The following F2 variants were observed in gnomAD, a reference collection of about 807,000 sequenced individuals.
The protein encoded by F2 is prothrombin.
F2 carries 34 observed loss-of-function variants against 81.9 expected under a neutral mutation model. That is an observed-to-expected ratio of 0.42 (90% CI 0.32 to 0.55). F2 has a LOEUF of 0.55. Ranked by LOEUF, F2 falls within the 20% of genes least tolerant of loss-of-function variation. The probability of loss-of-function intolerance (pLI) is 0.18; values close to 1 mark genes in which losing one functional copy is unlikely to be tolerated. For synonymous variants in F2, 296 were observed against 326.4 expected (o/e 0.91, Z 1.01); for missense variants, 630 against 833.4 (o/e 0.76, Z 3.00).
At chr11:46,720,265 G>A (rs926380337) in intron 2 of F2, 1 of 580,530 alleles carries the variant, frequency 1.7e-6, no homozygotes, top group Admixed American at 2.9e-5. Flanking sequence ...GTAGGGCTCT[G>A]CCAGGGTCCC....
Position 46,726,420 on chromosome 11 carries a change from G to T in F2, c.875-78G>T. 6.4e-7 allele frequency: 1 copy of T among 1,568,164 alleles called. No individual in the cohort carries two copies. Among genetic ancestry groups the T allele is most frequent in the Non-Finnish European group, 8.6e-7 (1 of 1,157,520 alleles). On this transcript the variant is annotated intron_variant, in intron 7 of 13. Coordinates refer to ENST00000311907, the MANE Select transcript of F2 (RefSeq NM_000506.5). The surrounding 1 kb of genome is among the most constrained non-coding windows in gnomAD (Gnocchi z 5.9). ...CTGCACCAAATGGCCTCCAAGGCCC[G>T]TAGGGGAATTGGGGGGATCTAGGGG...
Position 46,726,730 on chromosome 11 carries a change from G to A in F2, c.1023G>A (p.Leu341=). ...SGEADCGLRP[L]FEKKSLEDKT... ...CTGCAGACTGTGGGCTGCGACCTCT[G>A]TTCGAGAAGAAGTCGCTGGAGGACA... Residue 341 remains leucine, a synonymous_variant, in exon 9 of 14, where the codon CTG becomes CTA. Coordinates refer to ENST00000311907, the MANE Select transcript of F2 (RefSeq NM_000506.5). The surrounding 1 kb of genome is among the most constrained non-coding windows in gnomAD (Gnocchi z 5.9). 6.2e-7 allele frequency: 1 copy of A among 1,614,270 alleles called. No individual in the cohort carries two copies. The highest frequency in any genetic ancestry group is 8.5e-7 in the Non-Finnish European group (1 of 1,180,044).
rs770626415 is a variant in F2 at position 46,726,465 on chromosome 11, G to A, written c.875-33G>A. The stretch of plus-strand genomic sequence containing the variant: ...TAGGGGATGGGTGAGGAATGGCCCA[G>A]CCCAGTCCCAGCCGGTGCCTGGGTC... On this transcript the variant is annotated intron_variant, in intron 7 of 13. Transcript: ENST00000311907. The surrounding 1 kb of genome is among the most constrained non-coding windows in gnomAD (Gnocchi z 5.9). The A allele has an allele frequency of 6.2e-7, 1 of 1,606,836 alleles. No homozygotes were observed. The highest frequency in any genetic ancestry group is 8.5e-7 in the Non-Finnish European group (1 of 1,176,800).
intron 6 of F2, among the ~76,000 whole-genome samples, chr11:46,725,181 G>T (rs1295238321): frequency 1.4e-5 from 2 of 147,484 alleles, no homozygotes; most frequent in Non-Finnish European, 3.0e-5. Flanking sequence ...GCGATTCTCT[G>T]CCTCAGCCTC....
intron 12 of F2, among the ~76,000 whole-genome samples, chr11:46,737,617 T>C (rs2064952085): frequency 1.3e-5 from 2 of 150,436 alleles, no homozygotes; most frequent in Admixed American, 6.7e-5. Flanking sequence ...ATTTTTTGTA[T>C]TTAGTAGAGA....
intron 12 of F2, among the ~76,000 whole-genome samples, chr11:46,734,087 A>G (rs1483138570): frequency 6.6e-6 from 1 of 151,152 alleles, no homozygotes; most frequent in Non-Finnish European, 1.5e-5. Flanking sequence ...CGCCTGGCCT[A>G]AGGACCATTT....
At chr11:46,727,035 C>T (rs954189891) in intron 9 of F2, among the ~76,000 whole-genome samples, 198 bp downstream of exon 9, 2 of 152,188 alleles carry the variant, frequency 1.3e-5, no homozygotes, top group Admixed American at 6.5e-5. Context: ...TGGAGTCTTG[C>T]TCTGTCACCT....
At chr11:46,732,315 A>G (rs1490707460) in intron 12 of F2, among the ~76,000 whole-genome samples, 1 of 152,060 alleles carries the variant, frequency 6.6e-6, no homozygotes, top group Non-Finnish European at 1.5e-5. Context: ...TACATTTGTT[A>G]GTTACTTTAT....
intron 12 of F2, 27 bp from the exon 13 acceptor site, chr11:46,739,021 G>A: frequency 6.2e-7 from 1 of 1,613,620 alleles, no homozygotes; most frequent in Non-Finnish European, 8.5e-7. Context: ...CTATGCTCCT[G>A]AGCACAGACG....
intron 12 of F2, among the ~76,000 whole-genome samples, chr11:46,732,102 G>C (rs576430153): frequency 4.0e-5 from 6 of 151,830 alleles, no homozygotes; most frequent in African/African-American, 1.4e-4. Flanking sequence ...TTTTAGTAGA[G>C]ATGGGGTTTC....
At chr11:46,734,681 G>C (rs1042100924) in intron 12 of F2, among the ~76,000 whole-genome samples, 12 of 152,006 alleles carry the variant, frequency 7.9e-5, no homozygotes, top group African/African-American at 2.7e-4. Flanking sequence ...CGTGGTGGCT[G>C]ATGCCTGTAG....
chr11:46,737,441 CTTT>C (rs71042617), intron 12 of F2, among the ~76,000 whole-genome samples: 5 of 94,218 alleles, frequency 5.3e-5, no homozygotes, highest in Admixed American at 1.2e-4. Flanking sequence ...CGTGCCTGGC[CTTT>C]TTTTTTTTTT....
Position 46,719,509 on chromosome 11 carries a change from C to T in F2, c.80-193C>T, listed in dbSNP as rs142903294. The T allele has an allele frequency of 6.4e-6, 6 of 934,616 alleles. No homozygotes were observed. The highest frequency in any genetic ancestry group is 1.6e-5 in the African/African-American group (1 of 61,280). The allele number at this position is 934,616 out of a possible 1,614,324, so 57.9% of individuals were successfully genotyped here. ...TGCTTCTCTCTTCCAATATAGGGAG[C>T]AGGCTGGGGGCAAGGGGCAGTGTAG... On this transcript the variant is annotated intron_variant, in intron 1 of 13. Coordinates refer to ENST00000311907, the MANE Select transcript of F2 (RefSeq NM_000506.5). The surrounding 1 kb of genome is among the most constrained non-coding windows in gnomAD (Gnocchi z 4.7).
In F2 at chr11:46,739,372, G is replaced by T. The variant is rs563827733; in HGVS notation, c.1833G>T (p.Lys611Asn). 13 of 1,614,204 alleles carry T rather than the reference G, an allele frequency of 8.1e-6. No individual in the cohort carries two copies. The African/African-American group carries it at 1.6e-4, about 20-fold the overall frequency. The change falls in exon 14 of 14, where the codon AAG becomes AAT. Residue 611 changes from lysine to asparagine, a missense_variant. Transcript: ENST00000311907. ...GFYTHVFRLK[K>N]WIQKVIDQFG... ...ACACACATGTGTTCCGCCTGAAGAA[G>T]TGGATACAGAAGGTCATTGATCAGT...
intron 4 of F2, among the ~76,000 whole-genome samples, chr11:46,721,965 C>G (rs1292786998): frequency 2.0e-5 from 3 of 152,032 alleles, no homozygotes; most frequent in Non-Finnish European, 4.4e-5. Context: ...GCCTTAGCCT[C>G]CTGAGTAGCT....
At chr11:46,732,399 T>C (rs940380684) in intron 12 of F2, among the ~76,000 whole-genome samples, 1 of 152,006 alleles carries the variant, frequency 6.6e-6, no homozygotes, top group Non-Finnish European at 1.5e-5. Context: ...ACCTTTTTTT[T>C]TCTTTTTTTT....
chr11:46,726,868 C>A lies in F2; in HGVS notation c.1130+31C>A. 6.2e-7 allele frequency: 1 copy of A among 1,612,292 alleles called. No homozygotes were observed. Among genetic ancestry groups the A allele is most frequent in the Non-Finnish European group, 8.5e-7 (1 of 1,178,582 alleles). On this transcript the variant is annotated intron_variant, in intron 9 of 13. Coordinates refer to ENST00000311907, the MANE Select transcript of F2 (RefSeq NM_000506.5). The surrounding 1 kb of genome is among the most constrained non-coding windows in gnomAD (Gnocchi z 5.9). ...TCCTGGAGCCCTGCGCTACCATTCA[C>A]TCCTGGGGGCAGGTGTGCTGCTGGA... is the stretch of plus-strand genomic sequence containing the variant.
At chr11:46,738,793 G>A (rs555072185) in intron 12 of F2, among the ~76,000 whole-genome samples, 1 of 152,244 alleles carries the variant, frequency 6.6e-6, no homozygotes, top group African/African-American at 2.4e-5. Flanking sequence ...AGAATAGACT[G>A]TAGGTGGGCA....
chr11:46,719,483 C>T lies in F2; in HGVS notation c.79+169C>T, dbSNP rs1205722627. The T allele has an allele frequency of 1.2e-5, 12 of 966,468 alleles. No homozygotes were observed. Among genetic ancestry groups the T allele is most frequent in the Non-Finnish European group, 1.7e-5 (11 of 630,672 alleles). 59.9% of individuals were successfully genotyped at this position (966,468 alleles called of 1,614,324 possible). On this transcript the variant is annotated intron_variant, in intron 1 of 13. Coordinates refer to ENST00000311907, the MANE Select transcript of F2 (RefSeq NM_000506.5). This position sits in a 1 kb window ranked among gnomAD's most constrained non-coding sequence, Gnocchi z 4.7. ...GAGCTCAGGGCTGGAAAGAGAATGG[C>T]TGCTTCTCTCTTCCAATATAGGGAG...
Sources: allele counts gnomAD v4.1 joint callset (sites outside exome capture counted in the v4.1 genomes callset), GRCh38; gene constraint gnomAD v4.1.1; non-coding constraint Gnocchi (gnomAD v3.1); transcripts MANE v1.5; gene names NCBI Gene and HGNC (gene_info 2026-07-23, HGNC 2026-07-21).